Variants in LYPLAL1 observed in about 807,000 individuals in gnomAD.
LYPLAL1 encodes lysophospholipase like 1.
Under a neutral mutation model 19.7 loss-of-function variants are expected in LYPLAL1, and 23 were observed. That is an observed-to-expected ratio of 1.17 (90% CI 0.84 to 1.65). The LOEUF (loss-of-function observed/expected upper bound fraction) is 1.65, where lower values mean the gene tolerates loss of function less well. Among genes scored for constraint, LYPLAL1 ranks in the 40% most tolerant of loss-of-function variants. The pLI, the probability that LYPLAL1 is intolerant of heterozygous loss-of-function variation, is 0.00. For missense variants in LYPLAL1, 355 were observed against 279.4 expected, an observed-to-expected ratio of 1.27 and a Z score of -1.93; for synonymous variants, 119 against 96.3, an observed-to-expected ratio of 1.24 and a Z score of -1.38.
the LYPLAL1 span, among the ~76,000 whole-genome samples, chr1:219,244,493 C>T: frequency 7.9e-5 from 12 of 152,244 alleles, no homozygotes; most frequent in Admixed American, 1.3e-4. Context: ...AGACAGGTGT[C>T]GGAAGCATCA....
chr1:219,241,134 CTATATA>C, the LYPLAL1 span, among the ~76,000 whole-genome samples: 55 of 44,366 alleles, frequency 1.2e-3, no homozygotes, highest in African/African-American at 3.9e-3. Flanking sequence ...CTCTCTCTCT[CTATATA>C]TATATATATA....
At chr1:219,422,491 G>A in the LYPLAL1 span, among the ~76,000 whole-genome samples, 18 of 152,008 alleles carry the variant, frequency 1.2e-4, no homozygotes, top group Admixed American at 2.6e-4. Context: ...AGGACAAAGG[G>A]TACATAGCAT....
chr1:219,333,959 T>C, the LYPLAL1 span, among the ~76,000 whole-genome samples: 16 of 152,156 alleles, frequency 1.1e-4, no homozygotes, highest in African/African-American at 3.9e-4. Context: ...TTGAGAAAGA[T>C]TGACATAGGG....
the LYPLAL1 span, among the ~76,000 whole-genome samples, chr1:219,391,472 G>A: frequency 6.6e-6 from 1 of 152,094 alleles, no homozygotes; most frequent in South Asian, 2.1e-4. Flanking sequence ...TGAGAAGATT[G>A]TGTCTTCACA....
At chr1:219,366,473 G>A in the LYPLAL1 span, among the ~76,000 whole-genome samples, 31,011 of 152,112 alleles carry the variant, frequency 0.2, 3,697 homozygotes, top group Admixed American at 0.31. Context: ...TTCCTTGCTC[G>A]TGTGACTTAT....
chr1:219,339,787 C>CA, the LYPLAL1 span, among the ~76,000 whole-genome samples: 1 of 151,856 alleles, frequency 6.6e-6, no homozygotes, highest in Admixed American at 6.6e-5. Context: ...CAAATTTCCC[C>CA]AAAAATACAT....
chr1:219,338,194 T>A, the LYPLAL1 span, among the ~76,000 whole-genome samples: 1 of 151,960 alleles, frequency 6.6e-6, no homozygotes, highest in Non-Finnish European at 1.5e-5. Flanking sequence ...AAACATTTAA[T>A]CCAATATGGA....
At chr1:219,320,445 A>G in the LYPLAL1 span, among the ~76,000 whole-genome samples, 1 of 152,090 alleles carries the variant, frequency 6.6e-6, no homozygotes, top group Non-Finnish European at 1.5e-5. Flanking sequence ...AATTTAATTT[A>G]ATTTTATTAT....
chr1:219,380,890 T>C, the LYPLAL1 span, among the ~76,000 whole-genome samples: 2 of 152,184 alleles, frequency 1.3e-5, no homozygotes, highest in African/African-American at 2.4e-5. Context: ...AATAAAATTG[T>C]ATTTATGCAA....
At chr1:219,255,738 C>G in the LYPLAL1 span, among the ~76,000 whole-genome samples, 1 of 151,512 alleles carries the variant, frequency 6.6e-6, no homozygotes, top group Non-Finnish European at 1.5e-5. Flanking sequence ...TTGTAGATAC[C>G]CTTTATCAGA....
the LYPLAL1 span, among the ~76,000 whole-genome samples, chr1:219,392,297 G>A: frequency 6.6e-6 from 1 of 152,178 alleles, no homozygotes; most frequent in Non-Finnish European, 1.5e-5. Flanking sequence ...GGCAAGAGCT[G>A]TAATTTTAAA....
intron 3 of LYPLAL1, among the ~76,000 whole-genome samples, chr1:219,205,305 C>G (rs1280004905): frequency 7.0e-6 from 1 of 142,038 alleles, no homozygotes; most frequent in Admixed American, 7.6e-5. Context: ...TGCAGTGAGC[C>G]GAGATTGCGC....
At chr1:219,204,214 G>T (rs766701932) in intron 3 of LYPLAL1, among the ~76,000 whole-genome samples, 1 of 152,110 alleles carries the variant, frequency 6.6e-6, no homozygotes, top group Non-Finnish European at 1.5e-5. Flanking sequence ...ATAAAACTTA[G>T]GGAAAACAGG....
chr1:219,226,307 A>G, the LYPLAL1 span, among the ~76,000 whole-genome samples: 2 of 152,308 alleles, frequency 1.3e-5, no homozygotes, highest in South Asian at 4.1e-4. Context: ...TTTCATAAGA[A>G]TCCAGGGATC....
chr1:219,443,263 C>T, the LYPLAL1 span, among the ~76,000 whole-genome samples: 10 of 152,014 alleles, frequency 6.6e-5, no homozygotes, highest in Non-Finnish European at 1.3e-4. Flanking sequence ...GGTTTTATTA[C>T]AAGATACAGT....
At chr1:219,298,044 T>C in the LYPLAL1 span, among the ~76,000 whole-genome samples, 1 of 152,220 alleles carries the variant, frequency 6.6e-6, no homozygotes, top group Non-Finnish European at 1.5e-5. Flanking sequence ...AATGGGTGGC[T>C]CATGCCTGTA....
chr1:219,289,946 G>A, the LYPLAL1 span, among the ~76,000 whole-genome samples: 1 of 152,182 alleles, frequency 6.6e-6, no homozygotes, highest in Non-Finnish European at 1.5e-5. Flanking sequence ...ATGAGAATTA[G>A]TGTCTAATGG....
chr1:219,186,176 T>C (rs1369473506), intron 2 of LYPLAL1, among the ~76,000 whole-genome samples: 1 of 151,858 alleles, frequency 6.6e-6, no homozygotes. Context: ...ACTGTTGATA[T>C]CTAGTTTCAT....
the LYPLAL1 span, among the ~76,000 whole-genome samples, chr1:219,226,941 C>T: frequency 6.6e-6 from 1 of 152,076 alleles, no homozygotes; most frequent in Non-Finnish European, 1.5e-5. Context: ...AATTCAATAT[C>T]TTATGATTGT....
Sources: allele counts gnomAD v4.1 joint callset (sites outside exome capture counted in the v4.1 genomes callset), GRCh38; gene constraint gnomAD v4.1.1; transcripts MANE v1.5; gene names NCBI Gene and HGNC (gene_info 2026-07-23, HGNC 2026-07-21).